PCLO: variants seen among roughly 807,000 people sequenced by gnomAD.
PCLO encodes the protein piccolo presynaptic cytomatrix protein.
Under a neutral mutation model 427.5 loss-of-function variants are expected in PCLO, and 82 were observed. The ratio of observed to expected loss-of-function variants is 0.19; its 90% confidence interval spans 0.16 to 0.23. The LOEUF (loss-of-function observed/expected upper bound fraction) is 0.23, where lower values mean the gene tolerates loss of function less well. Ranked by LOEUF, PCLO falls within the 10% of genes least tolerant of loss-of-function variation. The probability of loss-of-function intolerance (pLI) is 1.00; values close to 1 mark genes in which losing one functional copy is unlikely to be tolerated. For missense variants in PCLO, 6,239 were observed against 6,115.9 expected (o/e 1.02, Z -0.67); for synonymous variants, 2,357 against 2,155.4 (o/e 1.09, Z -2.59).
intron 3 of PCLO, among the ~76,000 whole-genome samples, chr7:82,996,251 T>C (rs1796493183): frequency 6.6e-6 from 1 of 151,988 alleles, no homozygotes; most frequent in Non-Finnish European, 1.5e-5. Context: ...GTTTCAATTT[T>C]ATTTTCAGTA....
At chr7:83,118,763 A>C (rs917356857) in intron 3 of PCLO, among the ~76,000 whole-genome samples, 10 of 152,118 alleles carry the variant, frequency 6.6e-5, no homozygotes, top group African/African-American at 2.4e-4. Flanking sequence ...ATAAATTTGA[A>C]AGGCAGTCTA....
At chr7:82,885,500 T>G (rs916149039) in intron 9 of PCLO, among the ~76,000 whole-genome samples, 1 of 152,138 alleles carries the variant, frequency 6.6e-6, no homozygotes, top group Non-Finnish European at 1.5e-5. Flanking sequence ...AGTGAATATG[T>G]GTTGTTTTAA....
chr7:83,138,935 C>A (rs1181185940), intron 2 of PCLO, among the ~76,000 whole-genome samples: 2 of 151,640 alleles, frequency 1.3e-5, no homozygotes, highest in South Asian at 2.1e-4. Flanking sequence ...TGTAACACAC[C>A]TGCACGTTCT....
chr7:83,029,017 C>T (rs1181431059), intron 3 of PCLO, among the ~76,000 whole-genome samples: 1 of 152,092 alleles, frequency 6.6e-6, no homozygotes, highest in African/African-American at 2.4e-5. Context: ...AGAAGAAAAC[C>T]TAGGCAATAC....
chr7:82,792,056 A>C (rs1316318608), intron 22 of PCLO, among the ~76,000 whole-genome samples: 1 of 152,068 alleles, frequency 6.6e-6, no homozygotes, highest in Non-Finnish European at 1.5e-5. Flanking sequence ...TTACATCATC[A>C]AAGTCAGGTT....
At chr7:82,927,018 CA>C (rs1018728275) in intron 6 of PCLO, among the ~76,000 whole-genome samples, 5 of 152,104 alleles carry the variant, frequency 3.3e-5, no homozygotes, top group African/African-American at 1.2e-4. Context: ...GTTTAACAGA[CA>C]AAATATTTAG....
chr7:83,041,241 TAA>T (rs1788965788), intron 3 of PCLO, among the ~76,000 whole-genome samples: 3 of 152,026 alleles, frequency 2.0e-5, no homozygotes. Context: ...TAAAAAGAAA[TAA>T]AGATTCAGTC....
chr7:82,859,673 C>A (rs1190586458), intron 10 of PCLO, among the ~76,000 whole-genome samples: 1 of 151,990 alleles, frequency 6.6e-6, no homozygotes, highest in Non-Finnish European at 1.5e-5. Flanking sequence ...CAGTAAATAC[C>A]TAAGGGTCTT....
intron 3 of PCLO, among the ~76,000 whole-genome samples, chr7:83,020,069 T>C (rs1477220876): frequency 6.6e-6 from 1 of 152,100 alleles, no homozygotes; most frequent in Non-Finnish European, 1.5e-5. Context: ...AACTTTTTAT[T>C]AGACCACCGA....
In PCLO at chr7:82,915,508, T is replaced by G. The variant is rs1175495135; in HGVS notation, c.12478A>C (p.Lys4160Gln). Residue 4160 changes from lysine to glutamine, a missense_variant, in exon 7 of 25, where the codon AAA (lysine) becomes CAA (glutamine). Physicochemically the swap from Lys to Gln is moderately conservative, Grantham distance 53. Transcript: ENST00000333891. ...CTACTGATGCTATACTTCTCAGATT[T>G]TGGAAAATGTCTGTAGCTAGTATCA... ...HADTSYRHFPKSEKYSISRLT... is the reference protein window; with the variant it reads ...HADTSYRHFPQSEKYSISRLT... The G allele has an allele frequency of 1.9e-6, 3 of 1,613,600 alleles. No individual in the cohort carries two copies. Among genetic ancestry groups the G allele is most frequent in the Non-Finnish European group, 2.5e-6 (3 of 1,179,718 alleles).
At chr7:82,998,778 A>T (rs937132990) in intron 3 of PCLO, among the ~76,000 whole-genome samples, 19 of 151,868 alleles carry the variant, frequency 1.3e-4, no homozygotes, top group African/African-American at 4.6e-4. Flanking sequence ...AAAAATTACA[A>T]GGAATACTCA....
rs1562888708 is a variant in PCLO, at chr7:82,966,004, G to A, written c.3784C>T (p.His1262Tyr). The A allele has an allele frequency of 1.2e-6, 2 of 1,613,678 alleles. No individual in the cohort carries two copies. Among genetic ancestry groups the A allele is most frequent in the East Asian group, 2.2e-5 (1 of 44,874 alleles). The stretch of plus-strand genomic sequence containing the variant: ...TGTACTTGAGATTTAAGTAAGTCAT[G>A]TTTCTGTTCTTCTGGGGCTGATGTT... ...AKTSAPEEQK[H>Y]DLLKSQVQIA... Residue 1262 changes from histidine (H) to tyrosine (Y), a missense_variant, in exon 4 of 25, where the codon CAT becomes TAT. This residue lies in a region of PCLO where 4,677 missense variants were observed against 4,468.4 expected (regional missense o/e 1.05). Coordinates refer to ENST00000333891, the MANE Select transcript of PCLO (RefSeq NM_033026.6).
At position 82,915,487 on chromosome 7, in the gene PCLO, T is replaced by C; in HGVS notation, c.12499A>G (p.Ser4167Gly). The C allele has an allele frequency of 6.2e-7, 1 of 1,613,698 alleles. No homozygotes were observed. The change falls in exon 7 of 25, where the codon AGT becomes GGT. Residue 4167 changes from serine (S) to glycine (G), a missense_variant. Ser to Gly is a moderately conservative substitution (Grantham distance 56, BLOSUM62 0). Transcript: ENST00000333891. ...HFPKSEKYSI[S>G]RLTLEKQAAK... ...GCTTGTTTTTCAAGTGTGAGTCTACTGATGCTATACTTCTCAGATTTTGGA... is the reference window on the plus strand; with the variant it reads ...GCTTGTTTTTCAAGTGTGAGTCTACCGATGCTATACTTCTCAGATTTTGGA...
intron 3 of PCLO, among the ~76,000 whole-genome samples, chr7:83,116,683 A>G (rs1307575967): frequency 6.6e-6 from 1 of 152,208 alleles, no homozygotes; most frequent in Non-Finnish European, 1.5e-5. Context: ...TTTCAAGAAT[A>G]TAACACATTA....
chr7:83,012,002 T>G (rs1156902265), intron 3 of PCLO, among the ~76,000 whole-genome samples: 1 of 151,830 alleles, frequency 6.6e-6, no homozygotes, highest in Non-Finnish European at 1.5e-5. Context: ...TTTTACAAAT[T>G]TATTTATTTA....
intron 22 of PCLO, 36 bp downstream of exon 22, chr7:82,801,482 T>G: frequency 8.9e-7 from 1 of 1,121,182 alleles, no homozygotes. Flanking sequence ...AGAATGCAGA[T>G]TCAGCCAAAA....
intron 15 of PCLO, among the ~76,000 whole-genome samples, chr7:82,836,015 T>C (rs1009132723): frequency 6.6e-6 from 1 of 152,048 alleles, no homozygotes; most frequent in Admixed American, 6.6e-5. Flanking sequence ...ATTTGACAAA[T>C]TGCATGAGGA....
chr7:82,949,585 C>G lies in PCLO; in HGVS notation c.11003G>C (p.Ser3668Thr). ...CTGCATCATCTTGGCTGTCTTAGGA[C>G]TTGCTGGGGGAACTTTAGCCATATC... ...HPDMAKVPPA[S>T]PKTAKMMQRS... Residue 3668 changes from serine to threonine, a missense_variant, in exon 6 of 25, where the codon AGT (serine) becomes ACT (threonine). Physicochemically the swap from Ser to Thr is moderately conservative, Grantham distance 58 (BLOSUM62 1). Transcript: ENST00000333891. 1.2e-6 allele frequency: 2 copies of G among 1,613,888 alleles called. No homozygotes were observed. The highest frequency in any genetic ancestry group is 1.7e-6 in the Non-Finnish European group (2 of 1,179,850).
At chr7:82,816,033 T>A (rs551099074) in intron 20 of PCLO, among the ~76,000 whole-genome samples, 1 of 152,112 alleles carries the variant, frequency 6.6e-6, no homozygotes, top group Non-Finnish European at 1.5e-5. Flanking sequence ...TAGTGATTCA[T>A]TATATATTTA....
Sources: gnomAD v4.1 joint callset for allele counts (sites outside exome capture counted in the v4.1 genomes callset) on GRCh38, gnomAD v4.1.1 for gene constraint, gnomAD v4.1.1 regional missense constraint, MANE v1.5 for transcripts, NCBI Gene and HGNC (gene_info 2026-07-23, HGNC 2026-07-21) for gene names.